The following NRXN3 variants were observed in gnomAD, a reference collection of about 807,000 sequenced individuals.
NRXN3 encodes the protein neurexin III.
In NRXN3, 32 loss-of-function variants were observed where a neutral mutation model predicts 137.6. The observed-to-expected ratio is 0.23, with a 90% CI of 0.18 to 0.31. NRXN3 has a LOEUF of 0.31. Ranked by LOEUF, NRXN3 falls within the 10% of genes least tolerant of loss-of-function variation. The pLI is 1.00. For synonymous variants in NRXN3, 798 were observed against 784.5 expected (o/e 1.02, Z -0.29); for missense variants, 1,574 against 2,062.5 (o/e 0.76, Z 4.59).
chr14:78,493,559 TAA>T (rs1456179971), intron 4 of NRXN3, among the ~76,000 whole-genome samples: 2 of 146,106 alleles, frequency 1.4e-5, no homozygotes, highest in Admixed American at 1.4e-4. Flanking sequence ...AATAAATAAA[TAA>T]ATAAAAAGAA....
At chr14:79,628,535 G>A (rs555999079) in intron 16 of NRXN3, among the ~76,000 whole-genome samples, 46 of 152,282 alleles carry the variant, frequency 3.0e-4, no homozygotes, top group African/African-American at 1.0e-3. Flanking sequence ...TTGCCAGCCA[G>A]GCATAGTTTG....
chr14:79,551,695 C>T (rs983413928), intron 16 of NRXN3, among the ~76,000 whole-genome samples: 1 of 152,140 alleles, frequency 6.6e-6, no homozygotes, highest in African/African-American at 2.4e-5. Flanking sequence ...TTTTGAACAG[C>T]AGCTGTTCTC....
intron 17 of NRXN3, among the ~76,000 whole-genome samples, chr14:79,675,279 C>A (rs923641028): frequency 2.6e-5 from 4 of 151,946 alleles, no homozygotes; most frequent in Admixed American, 1.3e-4. Flanking sequence ...TAGATATTAA[C>A]TTCAATATTT....
intron 15 of NRXN3, among the ~76,000 whole-genome samples, chr14:79,076,320 A>G (rs1171144632): frequency 1.3e-5 from 2 of 152,122 alleles, no homozygotes; most frequent in Non-Finnish European, 2.9e-5. Context: ...ACAAGGCATT[A>G]CCTCCTAATT....
At chr14:79,473,650 G>A (rs17109256) in intron 16 of NRXN3, among the ~76,000 whole-genome samples, 31,476 of 152,124 alleles carry the variant, frequency 0.21, 3,400 homozygotes, top group African/African-American at 0.23. Flanking sequence ...AAAAAGGAAC[G>A]AACAAGAAAA....
chr14:78,628,702 T>C (rs2097491226), intron 4 of NRXN3, among the ~76,000 whole-genome samples: 1 of 152,222 alleles, frequency 6.6e-6, no homozygotes. Flanking sequence ...TTGGTAGTTC[T>C]GCTGTCTTGC....
At chr14:79,736,002 T>C (rs565318887) in intron 19 of NRXN3, among the ~76,000 whole-genome samples, 1 of 152,342 alleles carries the variant, frequency 6.6e-6, no homozygotes, top group South Asian at 2.1e-4. Flanking sequence ...CTGTGGCTTG[T>C]ACCAATGGAT....
chr14:78,519,403 C>T (rs1156675614), intron 4 of NRXN3, among the ~76,000 whole-genome samples: 2 of 152,112 alleles, frequency 1.3e-5, no homozygotes, highest in Non-Finnish European at 2.9e-5. Context: ...CATTTTATTC[C>T]ATTCCATGGA....
chr14:78,494,426 G>GTTTTTTTTTT (rs1047418197), intron 4 of NRXN3, among the ~76,000 whole-genome samples: 4 of 134,982 alleles, frequency 3.0e-5, no homozygotes, highest in African/African-American at 1.1e-4. Context: ...GAGGTGTTTT[G>GTTTTTTTTTT]TTTTTTTTTT....
chr14:79,779,311 C>G (rs1433349056), intron 19 of NRXN3, among the ~76,000 whole-genome samples: 11 of 152,020 alleles, frequency 7.2e-5, no homozygotes, highest in Non-Finnish European at 1.5e-4. Context: ...CAGGGTTTCT[C>G]CATGTTGGTC....
chr14:79,257,382 GTGGTGA>G (rs1568817289), intron 15 of NRXN3, among the ~76,000 whole-genome samples: 24 of 87,002 alleles, frequency 2.8e-4, no homozygotes, highest in African/African-American at 1.1e-3. Flanking sequence ...GGTGGTGGTG[GTGGTGA>G]TGGTGGTGGT....
At chr14:79,274,185 C>T (rs988095516) in intron 15 of NRXN3, among the ~76,000 whole-genome samples, 3 of 151,606 alleles carry the variant, frequency 2.0e-5, no homozygotes, top group Non-Finnish European at 4.4e-5. Context: ...GAACCTAGGC[C>T]GTGGAGCACC....
chr14:78,858,340 T>C (rs1269053091), intron 10 of NRXN3, among the ~76,000 whole-genome samples: 2 of 152,008 alleles, frequency 1.3e-5, no homozygotes, highest in Non-Finnish European at 2.9e-5. Context: ...TTATTGCCCG[T>C]GATTGGGTGT....
At chr14:79,194,534 A>G (rs1221336653) in intron 15 of NRXN3, among the ~76,000 whole-genome samples, 3 of 152,236 alleles carry the variant, frequency 2.0e-5, no homozygotes, top group Admixed American at 6.5e-5. Context: ...GGCTGGTGCT[A>G]TAAAGGAAAG....
chr14:78,955,726 G>A (rs999254928), intron 10 of NRXN3, among the ~76,000 whole-genome samples: 55 of 152,074 alleles, frequency 3.6e-4, no homozygotes, highest in Non-Finnish European at 7.4e-5. Context: ...TTTTCAAGAG[G>A]AGAGTTCCTC....
chr14:79,698,340 G>T (rs901296776), intron 19 of NRXN3, among the ~76,000 whole-genome samples: 1 of 151,916 alleles, frequency 6.6e-6, no homozygotes, highest in Non-Finnish European at 1.5e-5. Context: ...TCTCCAGATG[G>T]CTTTGCTATA....
rs11846067 is a variant in NRXN3, at chr14:79,634,653, C to T, written c.3445-29125C>T. ...AGGGACATGTCTGCAGTATTTTACC[C>T]GTGAGCTATATGCCCTCTGGGTTTC... On this transcript the variant is annotated intron_variant, in intron 16 of 20. Transcript: ENST00000335750. Among the ~76,000 whole-genome samples the T allele has an allele frequency of 9.0e-3, 1,370 of 152,230 alleles. 19 individuals are homozygous for T. Among genetic ancestry groups the T allele is most frequent in the African/African-American group, 0.032 (1,309 of 41,538 alleles).
chr14:79,149,240 C>T (rs1034428976), intron 15 of NRXN3, among the ~76,000 whole-genome samples: 1 of 151,988 alleles, frequency 6.6e-6, no homozygotes, highest in Non-Finnish European at 1.5e-5. Context: ...GTCAGATCTT[C>T]ACGTTGAAAC....
chr14:78,445,085 C>T (rs4903759), intron 4 of NRXN3, among the ~76,000 whole-genome samples: 141,443 of 152,204 alleles, frequency 0.93, 66,310 homozygotes, highest in Non-Finnish European at 0.99. Context: ...CTGTGTTTTG[C>T]GAACCAATTA....
Sources: gnomAD v4.1 joint callset for allele counts (sites outside exome capture counted in the v4.1 genomes callset) on GRCh38, gnomAD v4.1.1 for gene constraint, MANE v1.5 for transcripts, NCBI Gene and HGNC (gene_info 2026-07-23, HGNC 2026-07-21) for gene names.